The following STX17 variants were observed in gnomAD, a reference collection of about 807,000 sequenced individuals.
The protein encoded by STX17 is syntaxin 17.
A neutral mutation model predicts 35.9 loss-of-function variants in STX17; 29 were observed. That is an observed-to-expected ratio of 0.81 (90% confidence interval 0.60 to 1.10). The LOEUF (loss-of-function observed/expected upper bound fraction) is 1.10, where lower values mean the gene tolerates loss of function less well. STX17 is among the 50% of genes least tolerant of loss of function. The probability of loss-of-function intolerance (pLI) is 0.00; values close to 1 mark genes in which losing one functional copy is unlikely to be tolerated. For synonymous variants in STX17, 92 were observed against 118.3 expected, an observed-to-expected ratio of 0.78 and a Z score of 1.44; for missense variants, 312 against 352.3, an observed-to-expected ratio of 0.89 and a Z score of 0.92.
chr9:99,931,031 C>T (rs1829111191), intron 3 of STX17, among the ~76,000 whole-genome samples: 1 of 152,252 alleles, frequency 6.6e-6, no homozygotes, highest in Non-Finnish European at 1.5e-5. Context: ...GGCTGGAGTG[C>T]AGTGAGTGAT....
intron 6 of STX17, among the ~76,000 whole-genome samples, chr9:99,962,062 C>T (rs963510208): frequency 6.6e-6 from 1 of 152,058 alleles, no homozygotes; most frequent in Non-Finnish European, 1.5e-5. Context: ...TCTATCCCAC[C>T]CCACCATATT....
rs202149044 is a variant in STX17, at chr9:99,945,047, T to C, written c.190-6013T>C. On this transcript the variant is annotated intron_variant, in intron 3 of 7. Coordinates refer to ENST00000259400, the MANE Select transcript of STX17 (RefSeq NM_017919.3). ...AATCAATTTTTATAATTGTTCTCCA[T>C]GTGTATTTGTGTGTTTTTGACATGT... 2.0e-5 allele frequency among the ~76,000 whole-genome samples: 3 copies of C among 152,330 alleles called. No homozygotes were observed. The East Asian group carries it at 5.8e-4, about 29-fold the overall frequency.
chr9:99,915,418 GTTGT>G, intron 2 of STX17, 56 bp downstream of exon 2: 1 of 1,525,952 alleles, frequency 6.6e-7, no homozygotes, highest in South Asian at 1.3e-5. Flanking sequence ...ATTTATATTG[GTTGT>G]TCATTTCAGC....
At chr9:99,946,599 A>G (rs1000507866) in intron 3 of STX17, among the ~76,000 whole-genome samples, 1 of 152,000 alleles carries the variant, frequency 6.6e-6, no homozygotes, top group Admixed American at 6.6e-5. Flanking sequence ...TGCATTTCCA[A>G]CTTTTTATCT....
chr9:99,968,276 G>C (rs2118549344), intron 7 of STX17, among the ~76,000 whole-genome samples, 158 bp from the exon 8 acceptor site: 2 of 152,292 alleles, frequency 1.3e-5, no homozygotes, highest in East Asian at 1.9e-4. Context: ...AGTACCTGTG[G>C]AATACTTTCT....
chr9:99,929,412 T>A (rs545982132), intron 3 of STX17, among the ~76,000 whole-genome samples: 3 of 151,878 alleles, frequency 2.0e-5, no homozygotes, highest in South Asian at 4.1e-4. Flanking sequence ...ACATAATTTT[T>A]AAAAATAATA....
chr9:99,950,327 G>A (rs1199813898), intron 3 of STX17, among the ~76,000 whole-genome samples: 1 of 151,740 alleles, frequency 6.6e-6, no homozygotes, highest in East Asian at 1.9e-4. Context: ...AACAACAATA[G>A]CTTCTGAAAT....
chr9:99,969,593 T>G lies in STX17; in HGVS notation c.*920T>G, dbSNP rs1183565003. The G allele has an allele frequency of 6.6e-6, 1 of 152,494 alleles. No individual in the cohort carries two copies. The highest frequency in any genetic ancestry group is 2.4e-5 in the African/African-American group (1 of 41,418). The allele number at this position is 152,494 out of a possible 1,614,324, so 9.4% of individuals were successfully genotyped here. On this transcript the variant is annotated 3_prime_UTR_variant, in exon 8 of 8. Coordinates refer to ENST00000259400, the MANE Select transcript of STX17 (RefSeq NM_017919.3). ...AGATATTTTCAACATTGTTAGAGTT[T>G]GGGCTAAAATGAGCAAGGAGAAAAA...
chr9:99,943,833 G>A (rs537276434), intron 3 of STX17, among the ~76,000 whole-genome samples: 2 of 152,130 alleles, frequency 1.3e-5, no homozygotes, highest in Non-Finnish European at 2.9e-5. Flanking sequence ...AAGAGTTAGA[G>A]GATGGTCTTT....
chr9:99,943,039 T>C (rs527443394), intron 3 of STX17, among the ~76,000 whole-genome samples: 175 of 152,330 alleles, frequency 1.1e-3, no homozygotes, highest in African/African-American at 4.0e-3. Flanking sequence ...AGAATCAGCT[T>C]ATTAAGTTTC....
chr9:99,960,225 G>A, intron 6 of STX17, 70 bp downstream of exon 6: 4 of 1,431,248 alleles, frequency 2.8e-6, no homozygotes, highest in Non-Finnish European at 3.9e-6. Context: ...TAATCACTAG[G>A]CTTTTAATTA....
At chr9:99,909,658 G>T (rs997615304) in intron 1 of STX17, among the ~76,000 whole-genome samples, 3 of 152,104 alleles carry the variant, frequency 2.0e-5, no homozygotes, top group Admixed American at 1.3e-4. Flanking sequence ...CATGAAAGAA[G>T]AAATGCAATG....
chr9:99,933,134 A>G (rs527924535), intron 3 of STX17, among the ~76,000 whole-genome samples: 1 of 152,290 alleles, frequency 6.6e-6, no homozygotes, highest in South Asian at 2.1e-4. Context: ...GTAGACATCA[A>G]TAAAATTTTA....
intron 1 of STX17, chr9:99,907,243 T>C (rs1828569907): frequency 6.6e-6 from 1 of 152,248 alleles, no homozygotes; most frequent in East Asian, 1.9e-4. Context: ...TCCCTCCTTT[T>C]AGCTAACCGA....
intron 2 of STX17, among the ~76,000 whole-genome samples, chr9:99,924,361 A>AT (rs1828947577): frequency 6.6e-6 from 1 of 152,148 alleles, no homozygotes; most frequent in Non-Finnish European, 1.5e-5. Context: ...CATGGGAGTT[A>AT]TGATCAAGGA....
chr9:99,964,571 T>C (rs1829881266), intron 6 of STX17, among the ~76,000 whole-genome samples: 2 of 152,018 alleles, frequency 1.3e-5, no homozygotes, highest in African/African-American at 4.8e-5. Flanking sequence ...AATTTGAAGA[T>C]TGTCAAATGT....
chr9:99,940,270 A>G (rs1027908208), intron 3 of STX17, among the ~76,000 whole-genome samples: 23 of 151,840 alleles, frequency 1.5e-4, no homozygotes, highest in African/African-American at 5.1e-4. Flanking sequence ...AGCTGGGATT[A>G]CAGGTGCCCA....
intron 3 of STX17, among the ~76,000 whole-genome samples, chr9:99,949,163 G>T (rs1829543137): frequency 6.6e-6 from 1 of 151,862 alleles, no homozygotes; most frequent in Non-Finnish European, 1.5e-5. Context: ...CCCCTTTAAG[G>T]TTATATAATT....
chr9:99,919,041 C>T (rs937993441), intron 2 of STX17, among the ~76,000 whole-genome samples: 1 of 152,116 alleles, frequency 6.6e-6, no homozygotes, highest in Non-Finnish European at 1.5e-5. Flanking sequence ...GGTAACTGAT[C>T]CCTGCCCTTA....
Sources: allele counts gnomAD v4.1 joint callset (sites outside exome capture counted in the v4.1 genomes callset), GRCh38; gene constraint gnomAD v4.1.1; transcripts MANE v1.5; gene names NCBI Gene and HGNC (gene_info 2026-07-23, HGNC 2026-07-21).